ASAP1: variants seen among roughly 807,000 people sequenced by gnomAD.
ASAP1 encodes the protein ArfGAP with SH3 domain, ankyrin repeat and PH domain 1, also known as arf-GAP with SH3 domain, ANK repeat and PH domain-containing protein 1.
ASAP1 carries 43 observed loss-of-function variants against 145.2 expected under a neutral mutation model. The observed-to-expected ratio is 0.30, with a 90% CI of 0.23 to 0.38. The LOEUF (loss-of-function observed/expected upper bound fraction) is 0.38, where lower values mean the gene tolerates loss of function less well. Among genes scored for constraint, ASAP1 ranks in the 10% least tolerant of loss-of-function variants. ASAP1 has a pLI of 1.00. For missense variants in ASAP1, 1,018 were observed against 1,355.3 expected (o/e 0.75, Z 3.91); for synonymous variants, 546 against 515.5 (o/e 1.06, Z -0.80).
rs1565148990 is a variant in ASAP1 at position 130,262,440 on chromosome 8, GAGAGAGAGAGAGAGA to G, written c.187-25461_187-25447del. On this transcript the variant is annotated intron_variant, in intron 3 of 29. Coordinates refer to ENST00000518721, the MANE Select transcript of ASAP1 (RefSeq NM_018482.4). ...AAAGAGAGAGAGAGAGAGAGAGAGA[GAGAGAGAGAGAGAGA>G]GAACCTGTGGAATTTCAGATAGGTT... Among the ~76,000 whole-genome samples the G allele has an allele frequency of 7.2e-3, 994 of 138,928 alleles. 16 individuals carry two copies. Among genetic ancestry groups the G allele is most frequent in the Middle Eastern group, 0.012 (3 of 248 alleles). The allele number at this position is 138,928 out of a possible 152,430, so 91.1% of individuals were successfully genotyped here. A position where few individuals can be genotyped will look rare whatever the true frequency, so the allele number is the denominator to read the frequency against.
intron 4 of ASAP1, among the ~76,000 whole-genome samples, chr8:130,230,400 G>A (rs1158581228): frequency 1.3e-5 from 2 of 152,032 alleles, no homozygotes; most frequent in Admixed American, 6.5e-5. Context: ...ATATTATTCT[G>A]GAAAGAGACA....
At chr8:130,300,127 C>A (rs1014752896) in intron 3 of ASAP1, among the ~76,000 whole-genome samples, 3 of 112,984 alleles carry the variant, frequency 2.7e-5, no homozygotes, top group African/African-American at 1.1e-4. Context: ...CACACACACA[C>A]ACACACACAC....
chr8:130,079,963 C>G lies in ASAP1; in HGVS notation c.2581G>C (p.Gly861Arg). ...NKGAVPWGND[G>R]GPSSSSKTTN... ...GTCTTACTTGAAGAGGATGGACCCC[C>G]ATCGTTACCTACAAGGAAAACCGAA... The change falls in exon 26 of 30, where the codon GGG becomes CGG. Residue 861 changes from glycine to arginine, a missense_variant. Around this residue, in one of 9 missense-constraint regions of ASAP1, gnomAD observed 353 missense variants for 375.4 expected, o/e 0.94. Coordinates refer to ENST00000518721, the MANE Select transcript of ASAP1 (RefSeq NM_018482.4). 6.2e-7 allele frequency: 1 copy of G among 1,614,072 alleles called. No homozygotes were observed. Among genetic ancestry groups the G allele is most frequent in the South Asian group, 1.1e-5 (1 of 91,076 alleles).
intron 3 of ASAP1, among the ~76,000 whole-genome samples, chr8:130,352,019 A>C (rs1411449423): frequency 1.3e-5 from 2 of 152,174 alleles, no homozygotes; most frequent in East Asian, 3.8e-4. Flanking sequence ...ACAAAACCTC[A>C]TCCTAAGTAC....
intron 9 of ASAP1, among the ~76,000 whole-genome samples, chr8:130,178,027 A>C (rs1814085218): frequency 6.6e-6 from 1 of 152,208 alleles, no homozygotes; most frequent in Admixed American, 6.5e-5. Context: ...TGACTCATCT[A>C]ATTTGTCTAA....
intron 9 of ASAP1, among the ~76,000 whole-genome samples, chr8:130,170,998 G>C (rs1813561422): frequency 1.3e-5 from 2 of 152,184 alleles, no homozygotes; most frequent in Non-Finnish European, 2.9e-5. Context: ...TTAAAGGTGT[G>C]AGCCACCGTG....
intron 18 of ASAP1, among the ~76,000 whole-genome samples, chr8:130,120,060 T>C (rs2097563193): frequency 6.6e-6 from 1 of 152,228 alleles, no homozygotes; most frequent in South Asian, 2.1e-4. Context: ...GTTGAGCTGG[T>C]TGATGATGGC....
intron 3 of ASAP1, among the ~76,000 whole-genome samples, chr8:130,268,684 G>A (rs899348781): frequency 7.2e-5 from 11 of 152,158 alleles, no homozygotes; most frequent in Non-Finnish European, 1.5e-4. Context: ...TTGGGTTAGA[G>A]TAGTGGGATG....
Position 130,376,903 on chromosome 8 carries a change from C to CAAAAA in ASAP1, c.60-18765_60-18761dup, listed in dbSNP as rs34006260. On this transcript the variant is annotated intron_variant, in intron 2 of 29. Coordinates refer to ENST00000518721, the MANE Select transcript of ASAP1 (RefSeq NM_018482.4). ...CAGCAACAAGAGCAAAACTCCATCT[C>CAAAAA]AAAAAAAAAAAAAAAAAAAAAAAAA... Among the ~76,000 whole-genome samples the CAAAAA allele has an allele frequency of 4.3e-3, 112 of 26,018 alleles. 18 individuals are homozygous for CAAAAA. Among genetic ancestry groups the CAAAAA allele is most frequent in the African/African-American group, 0.012 (106 of 8,924 alleles). 17.1% of individuals were successfully genotyped at this position (26,018 alleles called of 152,430 possible).
chr8:130,316,037 T>A (rs761263620), intron 3 of ASAP1, among the ~76,000 whole-genome samples: 2 of 152,208 alleles, frequency 1.3e-5, no homozygotes, highest in Non-Finnish European at 2.9e-5. Flanking sequence ...ATTCCATGGC[T>A]AGGAGAGAAA....
At chr8:130,388,177 C>T (rs1313656006) in intron 2 of ASAP1, among the ~76,000 whole-genome samples, 2 of 152,174 alleles carry the variant, frequency 1.3e-5, no homozygotes, top group African/African-American at 2.4e-5. Context: ...CAGGATAGCA[C>T]TTGCTGAGTG....
At chr8:130,184,420 C>T (rs952828934) in intron 7 of ASAP1, among the ~76,000 whole-genome samples, 10 of 152,126 alleles carry the variant, frequency 6.6e-5, no homozygotes, top group East Asian at 3.9e-4. Flanking sequence ...CTAACAGGAT[C>T]AAGAGGGGCA....
In ASAP1 at chr8:130,204,172, G is replaced by A. The variant is rs554655315; in HGVS notation, c.405+10384C>T. On this transcript the variant is annotated intron_variant, in intron 5 of 29. Transcript: ENST00000518721. Reference sequence around the variant, plus strand: ...CAAGGGCAGCATCAGACTCTCATAGGAGACGGAACCCTACTGTGAACTGCA... The same window carrying A: ...CAAGGGCAGCATCAGACTCTCATAGAAGACGGAACCCTACTGTGAACTGCA... 5.9e-5 allele frequency among the ~76,000 whole-genome samples: 9 copies of A among 152,274 alleles called. 1 individual carries two copies. In the South Asian group the frequency reaches 1.4e-3, roughly 25 times the overall value.
rs915859040 is a variant in ASAP1, at chr8:130,178,695, C to A, written c.746+569G>T. The stretch of plus-strand genomic sequence containing the variant: ...GGTCAGGAGATCAAGGCCATCCTGG[C>A]CAACACGGTGAGACCCAGTCTCTAC... On this transcript the variant is annotated intron_variant, in intron 9 of 29. Coordinates refer to ENST00000518721, the MANE Select transcript of ASAP1 (RefSeq NM_018482.4). Among the ~76,000 whole-genome samples, 3 of 152,280 alleles carry A rather than the reference C, an allele frequency of 2.0e-5. No individual in the cohort carries two copies. In the East Asian group the frequency reaches 5.8e-4, roughly 29 times the overall value.
At chr8:130,227,385 T>C (rs999195469) in intron 4 of ASAP1, among the ~76,000 whole-genome samples, 5 of 152,154 alleles carry the variant, frequency 3.3e-5, no homozygotes, top group African/African-American at 1.2e-4. Context: ...CCTGAGTAGC[T>C]GGAACCACAG....
chr8:130,333,481 G>A (rs1824828211), intron 3 of ASAP1, among the ~76,000 whole-genome samples: 1 of 152,202 alleles, frequency 6.6e-6, no homozygotes, highest in Admixed American at 6.5e-5. Context: ...GCACATGCCT[G>A]TAATCCCAGC....
chr8:130,363,131 C>G (rs960032717), intron 2 of ASAP1, among the ~76,000 whole-genome samples: 8 of 152,186 alleles, frequency 5.3e-5, no homozygotes, highest in African/African-American at 1.2e-4. Flanking sequence ...ATTCAACGAG[C>G]TAAGGTATAT....
intron 2 of ASAP1, among the ~76,000 whole-genome samples, chr8:130,382,889 C>T (rs767170781): frequency 3.1e-4 from 33 of 106,418 alleles, no homozygotes; most frequent in African/African-American, 1.1e-3. Flanking sequence ...GGAAATGGGG[C>T]GGGAGGGGAG....
intron 3 of ASAP1, among the ~76,000 whole-genome samples, chr8:130,267,119 C>CAAAAA (rs1565153626): frequency 7.9e-6 from 1 of 127,284 alleles, no homozygotes; most frequent in Non-Finnish European, 1.8e-5. Flanking sequence ...AACAAACAAA[C>CAAAAA]AAACAAAAAA....
Sources: allele counts gnomAD v4.1 joint callset (sites outside exome capture counted in the v4.1 genomes callset), GRCh38; gene constraint gnomAD v4.1.1; regional missense constraint gnomAD v4.1.1; transcripts MANE v1.5; gene names NCBI Gene and HGNC (gene_info 2026-07-23, HGNC 2026-07-21).